Variants in CNBD1 observed in about 807,000 individuals in gnomAD.
The protein encoded by CNBD1 is cyclic nucleotide binding domain containing 1.
In CNBD1, 71 loss-of-function variants were observed where a neutral mutation model predicts 54.4. That is an observed-to-expected ratio of 1.30 (90% CI 1.08 to 1.59). The LOEUF (loss-of-function observed/expected upper bound fraction) is 1.59, where lower values mean the gene tolerates loss of function less well. Among genes scored for constraint, CNBD1 ranks in the 40% most tolerant of loss-of-function variants. CNBD1 has a pLI of 0.00. For synonymous variants in CNBD1, 182 were observed against 170.7 expected (o/e 1.07, Z -0.51); for missense variants, 659 against 518.0 (o/e 1.27, Z -2.64).
At chr8:87,183,277 G>A (rs969708211) in intron 4 of CNBD1, among the ~76,000 whole-genome samples, 4 of 151,800 alleles carry the variant, frequency 2.6e-5, no homozygotes, top group Non-Finnish European at 4.4e-5. Context: ...TTTTATATCA[G>A]TACCATGCTG....
chr8:87,374,041 C>T (rs1810873803), intron 10 of CNBD1, among the ~76,000 whole-genome samples: 1 of 151,792 alleles, frequency 6.6e-6, no homozygotes, highest in African/African-American at 2.4e-5. Flanking sequence ...CATTTCTCTC[C>T]TTTGGTTGAT....
At chr8:87,039,292 A>G (rs185130563) in intron 4 of CNBD1, among the ~76,000 whole-genome samples, 4 of 152,302 alleles carry the variant, frequency 2.6e-5, no homozygotes, top group Admixed American at 6.5e-5. Context: ...TTTAGAATTT[A>G]TAAGTATATT....
chr8:86,999,899 C>G (rs1334152342), intron 4 of CNBD1, among the ~76,000 whole-genome samples: 2 of 152,168 alleles, frequency 1.3e-5, no homozygotes, highest in Non-Finnish European at 2.9e-5. Context: ...GGCACAGTTG[C>G]TTAGCGTGTT....
chr8:87,123,987 G>T, intron 4 of CNBD1, among the ~76,000 whole-genome samples: 1 of 151,534 alleles, frequency 6.6e-6, no homozygotes, highest in East Asian at 1.9e-4. Context: ...TCAGTAATAA[G>T]AATTCTTCAA....
At chr8:87,385,414 C>G (rs185847403), downstream of CNBD1, among the ~76,000 whole-genome samples, 587 of 152,102 alleles carry the variant, frequency 3.9e-3, 8 homozygotes, top group African/African-American at 0.013. Flanking sequence ...GGGTCACTGC[C>G]ACCCTAATAC....
At position 87,235,524 on chromosome 8, in the gene CNBD1, G is replaced by A. The variant is rs544439330; in HGVS notation, c.578-1395G>A. Among the ~76,000 whole-genome samples, 70 of 152,234 alleles carry A rather than the reference G, an allele frequency of 4.6e-4. 2 individuals are homozygous for A. The highest frequency in any genetic ancestry group is 3.4e-3 in the Middle Eastern group (1 of 294). ...AGAAAGGCCTGAGGACAGGGAGAGAGATGGGGAAACAGCCATTGAATAGGG... is the reference window on the plus strand; with the variant it reads ...AGAAAGGCCTGAGGACAGGGAGAGAAATGGGGAAACAGCCATTGAATAGGG... On this transcript the variant is annotated intron_variant, in intron 5 of 10. Coordinates refer to ENST00000518476, the MANE Select transcript of CNBD1 (RefSeq NM_173538.3).
intron 6 of CNBD1, among the ~76,000 whole-genome samples, chr8:87,244,487 A>G (rs1448903498): frequency 3.3e-5 from 5 of 152,128 alleles, no homozygotes; most frequent in African/African-American, 7.2e-5. Flanking sequence ...TAGGGTGTCT[A>G]TCTCCTGAGT....
chr8:86,967,565 T>G (rs1808113583), intron 4 of CNBD1, among the ~76,000 whole-genome samples: 1 of 152,248 alleles, frequency 6.6e-6, no homozygotes, highest in Non-Finnish European at 1.5e-5. Context: ...GATTCTTTCC[T>G]CAGCTGTCTG....
intron 5 of CNBD1, among the ~76,000 whole-genome samples, chr8:87,213,070 GAT>G (rs1814135197): frequency 6.6e-6 from 1 of 151,858 alleles, no homozygotes; most frequent in South Asian, 2.1e-4. Context: ...TTTCAGAGAA[GAT>G]ATAAAAATAG....
chr8:86,937,117 TCA>T (rs1180046512), intron 3 of CNBD1, among the ~76,000 whole-genome samples: 5 of 152,150 alleles, frequency 3.3e-5, no homozygotes, highest in African/African-American at 1.2e-4. Context: ...GAGGTAGGAC[TCA>T]CAATCATGGT....
intron 4 of CNBD1, among the ~76,000 whole-genome samples, chr8:87,116,195 C>CTTTTTTTTT (rs71556428): frequency 9.4e-5 from 7 of 74,528 alleles, no homozygotes; most frequent in African/African-American, 2.8e-4. Context: ...ATTCTCATGT[C>CTTTTTTTTT]TTTTTTTTTT....
chr8:87,380,680 T>G (rs1811055527), intron 10 of CNBD1, among the ~76,000 whole-genome samples: 2 of 152,042 alleles, frequency 1.3e-5, no homozygotes, highest in Non-Finnish European at 2.9e-5. Context: ...TTTGTGTTCT[T>G]TAATTTCTTT....
At chr8:87,389,280 G>T (rs573283967) in intron 2 of CNBD1, among the ~76,000 whole-genome samples, 13 of 152,248 alleles carry the variant, frequency 8.5e-5, no homozygotes, top group Admixed American at 7.8e-4. Flanking sequence ...GAAATAAAGG[G>T]TATTCAATTA....
intron 4 of CNBD1, among the ~76,000 whole-genome samples, chr8:87,165,881 T>G (rs912820612): frequency 1.3e-5 from 2 of 151,994 alleles, no homozygotes; most frequent in Admixed American, 1.3e-4. Flanking sequence ...AAACAAATTT[T>G]TTGTCTACAT....
At position 87,361,350 on chromosome 8, in the gene CNBD1, A is replaced by T. The variant is rs115503309; in HGVS notation, c.1303+7564A>T. 6.0e-3 allele frequency among the ~76,000 whole-genome samples: 907 copies of T among 151,972 alleles called. 11 individuals carry two copies. Among genetic ancestry groups the T allele is most frequent in the African/African-American group, 0.021 (854 of 41,538 alleles). The stretch of plus-strand genomic sequence containing the variant: ...CAAAATGCTAATATCTTTAATGATA[A>T]ATGAGCTCTTAGAAATCAGTAGAAG... On this transcript the variant is annotated intron_variant, in intron 10 of 10. Transcript: ENST00000518476.
chr8:86,939,064 A>G (rs897179898), intron 3 of CNBD1, among the ~76,000 whole-genome samples: 1 of 152,210 alleles, frequency 6.6e-6, no homozygotes, highest in Non-Finnish European at 1.5e-5. Context: ...TAATTCTAGA[A>G]ATATGAATGG....
Position 87,353,735 on chromosome 8 carries a change from A to T in CNBD1, c.1252A>T (p.Ile418Phe), listed in dbSNP as rs757932532. Reference sequence around the variant, plus strand: ...TCAAGTTCCTTTCACGTGCACAATCATTACCAAAAAAGAAGTTGAGATGGC... The same window carrying T: ...TCAAGTTCCTTTCACGTGCACAATCTTTACCAAAAAAGAAGTTGAGATGGC... ...LLQVPFTCTI[I>F]TKKEVEMAII... is the part of the protein sequence containing the mutation. Residue 418 changes from isoleucine to phenylalanine, a missense_variant, in exon 10 of 11, where the codon ATT becomes TTT. Physicochemically the swap from Ile to Phe is conservative, Grantham distance 21 (BLOSUM62 0). Coordinates refer to ENST00000518476, the MANE Select transcript of CNBD1 (RefSeq NM_173538.3). The T allele has an allele frequency of 3.7e-6, 6 of 1,611,664 alleles. No individual in the cohort carries two copies. The highest frequency in any genetic ancestry group is 4.2e-6 in the Non-Finnish European group (5 of 1,178,856).
At chr8:87,075,689 A>G (rs755148357) in intron 4 of CNBD1, among the ~76,000 whole-genome samples, 27 of 152,114 alleles carry the variant, frequency 1.8e-4, no homozygotes, top group Non-Finnish European at 3.8e-4. Flanking sequence ...GGCAATAATC[A>G]TTGTGTCCCT....
Position 87,206,003 on chromosome 8 carries a change from A to T in CNBD1, c.442A>T (p.Arg148Trp). ...LAILKKLPIH[R>W]TPYEHKTVWK... is the part of the protein sequence containing the mutation. ...TTTTTTTTTTTTGAGGCCCATTCAC[A>T]GGACGCCATATGAACACAAAACTGT... is the stretch of plus-strand genomic sequence containing the variant. Residue 148 changes from arginine (R) to tryptophan (W), a missense_variant, in exon 5 of 11, where the codon AGG becomes TGG. Physicochemically the swap from Arg to Trp is moderately radical, Grantham distance 101. Coordinates refer to ENST00000518476, the MANE Select transcript of CNBD1 (RefSeq NM_173538.3). 1 of 1,520,554 alleles carries T rather than the reference A, an allele frequency of 6.6e-7. No individual in the cohort carries two copies. The highest frequency in any genetic ancestry group is 8.8e-7 in the Non-Finnish European group (1 of 1,139,410). 94.2% of individuals were successfully genotyped at this position (1,520,554 alleles called of 1,614,324 possible). A position where few individuals can be genotyped will look rare whatever the true frequency, so the allele number is the denominator to read the frequency against.
Sources: gnomAD v4.1 joint callset for allele counts (sites outside exome capture counted in the v4.1 genomes callset) on GRCh38, gnomAD v4.1.1 for gene constraint, MANE v1.5 for transcripts, NCBI Gene and HGNC (gene_info 2026-07-23, HGNC 2026-07-21) for gene names.